The following DEAF1 variants were observed in gnomAD, a reference collection of about 807,000 sequenced individuals.
DEAF1 encodes the protein DEAF1 transcription factor.
Under a neutral mutation model 58.9 loss-of-function variants are expected in DEAF1, and 53 were observed. That is an observed-to-expected ratio of 0.90 (90% CI 0.72 to 1.13). The LOEUF (loss-of-function observed/expected upper bound fraction) is 1.13. Ranked by LOEUF, DEAF1 falls within the 50% of genes most tolerant of loss-of-function variation. The pLI, the probability that DEAF1 is intolerant of heterozygous loss-of-function variation, is 0.00. For missense variants in DEAF1, 685 were observed against 791.4 expected (o/e 0.87, Z 1.61); for synonymous variants, 385 against 340.4 (o/e 1.13, Z -1.44).
chr11:678,425 T>C, intron 9 of DEAF1: 1 of 416,356 alleles, frequency 2.4e-6, no homozygotes. Flanking sequence ...AACTTCAGGC[T>C]TCACAGGCCA....
intron 10 of DEAF1, among the ~76,000 whole-genome samples, chr11:666,884 A>G (rs941376701): frequency 6.6e-6 from 1 of 151,208 alleles, no homozygotes; most frequent in African/African-American, 2.4e-5. Context: ...AAAAAAAAAA[A>G]AAAAAAAAAA....
intron 11 of DEAF1, among the ~76,000 whole-genome samples, chr11:645,144 C>CA (rs1484639339): frequency 8.4e-6 from 1 of 118,924 alleles, no homozygotes; most frequent in Non-Finnish European, 1.6e-5. Context: ...GCCCGGGTGA[C>CA]AGAACAACTC....
chr11:670,642 G>C (rs1161557485), intron 10 of DEAF1, among the ~76,000 whole-genome samples: 1 of 149,506 alleles, frequency 6.7e-6, no homozygotes, highest in African/African-American at 2.5e-5. Flanking sequence ...TTGAACCTGG[G>C]AGATGGAGGC....
At position 679,712 on chromosome 11, in the gene DEAF1, C is replaced by T; in HGVS notation, c.1102G>A (p.Gly368Ser). The T allele has an allele frequency of 6.2e-7, 1 of 1,613,264 alleles. No homozygotes were observed. The highest frequency in any genetic ancestry group is 8.5e-7 in the Non-Finnish European group (1 of 1,180,048). The change falls in exon 8 of 12, where the codon GGC becomes AGC. Residue 368 changes from glycine to serine, a missense_variant. Around this residue, in one of 3 missense-constraint regions of DEAF1, gnomAD observed 343 missense variants for 379.8 expected, o/e 0.90. Transcript: ENST00000382409. ...CCTGTGGCCCCTGCGAAGACGTCGC[C>T]CTGGGCCGGACTCTCTGATATGACA... Reference protein sequence around the residue: ...TAVISESPAQGDVFAGATVQE... With the variant: ...TAVISESPAQSDVFAGATVQE...
chr11:671,509 A>G (rs7112056), intron 10 of DEAF1, among the ~76,000 whole-genome samples: 2,205 of 152,054 alleles, frequency 0.015, 55 homozygotes, highest in African/African-American at 0.049. Context: ...AGTGTGATCC[A>G]CTGTGCCCAG....
At chr11:695,824 T>C, upstream of DEAF1, 1 of 1,227,414 alleles carries the variant, frequency 8.1e-7, no homozygotes, top group South Asian at 4.0e-5. Context: ...GCGGGGCGGG[T>C]AAGATGGCGG....
At chr11:685,902 T>C (rs949570054) in intron 5 of DEAF1, among the ~76,000 whole-genome samples, 1 of 151,708 alleles carries the variant, frequency 6.6e-6, no homozygotes, top group Non-Finnish European at 1.5e-5. Flanking sequence ...CCCAGCACTT[T>C]GAGAGGCGAG....
At chr11:650,609 T>C (rs952666763) in intron 11 of DEAF1, among the ~76,000 whole-genome samples, 8 of 151,926 alleles carry the variant, frequency 5.3e-5, no homozygotes, top group African/African-American at 1.9e-4. Context: ...CCTCCCAAAG[T>C]GTTGGGATGA....
chr11:687,409 C>T (rs554196494), intron 4 of DEAF1, among the ~76,000 whole-genome samples: 4 of 152,372 alleles, frequency 2.6e-5, no homozygotes, highest in South Asian at 2.1e-4. Flanking sequence ...GGTTCCTGGG[C>T]GCAGCCCTGT....
At chr11:648,568 G>C (rs1321584942) in intron 11 of DEAF1, among the ~76,000 whole-genome samples, 1 of 152,102 alleles carries the variant, frequency 6.6e-6, no homozygotes, top group Non-Finnish European at 1.5e-5. Flanking sequence ...GGTCCGGCTG[G>C]AAGGCAGCTT....
chr11:670,927 TAA>T (rs1859792746), intron 10 of DEAF1, among the ~76,000 whole-genome samples: 1 of 118,270 alleles, frequency 8.5e-6, no homozygotes, highest in African/African-American at 3.5e-5. Flanking sequence ...CACACCTGGC[TAA>T]TGTTTTTTTT....
Position 694,851 on chromosome 11 carries a change from A to T in DEAF1, c.197T>A (p.Val66Glu). 1 of 1,490,180 alleles carries T rather than the reference A, an allele frequency of 6.7e-7. No individual in the cohort carries two copies. The allele number at this position is 1,490,180 out of a possible 1,614,324, so 92.3% of individuals were successfully genotyped here. The part of the protein sequence containing the change: ...AERETPRVTA[V>E]AVMAAEPGHM... ...CCCGGGCTCCGCCGCCATCACCGCC[A>T]CTGCCGTGACCCGCGGCGTCTCCCG... The change falls in exon 1 of 12, where the codon GTG becomes GAG. Residue 66 changes from valine (V) to glutamate (E), a missense_variant. Val to Glu is a moderately radical substitution (Grantham distance 121). Transcript: ENST00000382409.
chr11:652,827 A>G (rs973198111), intron 11 of DEAF1, among the ~76,000 whole-genome samples: 33 of 151,686 alleles, frequency 2.2e-4, no homozygotes, highest in African/African-American at 7.0e-4. Flanking sequence ...TCACACCTCT[A>G]AATCCCAGCA....
Position 694,833 on chromosome 11 carries a change from TCCG to T in DEAF1, c.212_214del (p.Ala71del), listed in dbSNP as rs759434329. 3 of 1,463,358 alleles carry T rather than the reference TCCG, an allele frequency of 2.1e-6. No homozygotes were observed. The Admixed American group carries it at 6.7e-5, about 33-fold the overall frequency. 90.6% of individuals were successfully genotyped at this position (1,463,358 alleles called of 1,614,324 possible). On this transcript the variant is annotated inframe_deletion, in exon 1 of 12. Coordinates refer to ENST00000382409, the MANE Select transcript of DEAF1 (RefSeq NM_021008.4). ...GGCGCCCATGTCCATGTGCCCGGGC[TCCG>T]CCGCCATCACCGCCACTGCCGTGAC...
Position 644,734 on chromosome 11 carries a change from G to A in DEAF1, c.1594-80C>T. 3 of 1,143,216 alleles carry A rather than the reference G, an allele frequency of 2.6e-6. No homozygotes were observed. The highest frequency in any genetic ancestry group is 5.1e-5 in the East Asian group (2 of 39,426). The allele number at this position is 1,143,216 out of a possible 1,614,324, so 70.8% of individuals were successfully genotyped here. A position where few individuals can be genotyped will look rare whatever the true frequency, so the allele number is the denominator to read the frequency against. On this transcript the variant is annotated intron_variant, in intron 11 of 11. Coordinates refer to ENST00000382409, the MANE Select transcript of DEAF1 (RefSeq NM_021008.4). This position sits in a 1 kb window ranked among gnomAD's most constrained non-coding sequence, Gnocchi z 4.3. ...GGCAGGGTCCCCAAGGCAGACCCCAGAGGGTGCAGCCCTCTGTAACCTCAC... is the reference window on the plus strand; with the variant it reads ...GGCAGGGTCCCCAAGGCAGACCCCAAAGGGTGCAGCCCTCTGTAACCTCAC...
intron 11 of DEAF1, among the ~76,000 whole-genome samples, chr11:649,502 T>G (rs1454128747): frequency 6.6e-6 from 1 of 150,648 alleles, no homozygotes; most frequent in African/African-American, 2.4e-5. Context: ...GGCGGATCAC[T>G]TGAGGTCAGG....
chr11:699,750 TC>T (rs1223025061), upstream of DEAF1: 2 of 180,024 alleles, frequency 1.1e-5, no homozygotes, highest in African/African-American at 4.8e-5. Flanking sequence ...AGACTCTATC[TC>T]AAAAAAAAAA....
intron 10 of DEAF1, among the ~76,000 whole-genome samples, chr11:671,851 A>C (rs1423022590): frequency 5.4e-4 from 9 of 16,520 alleles, no homozygotes; most frequent in African/African-American, 2.1e-3. Context: ...AAAAAAAAAG[A>C]AACACAAAAA....
intron 10 of DEAF1, among the ~76,000 whole-genome samples, chr11:657,148 A>G (rs1490221959): frequency 6.6e-6 from 1 of 152,000 alleles, no homozygotes; most frequent in Non-Finnish European, 1.5e-5. Flanking sequence ...CTCACTCTCT[A>G]AGACTTCCCA....
Sources: gnomAD v4.1 joint callset for allele counts (sites outside exome capture counted in the v4.1 genomes callset) on GRCh38, gnomAD v4.1.1 for gene constraint, gnomAD v4.1.1 regional missense constraint, Gnocchi (gnomAD v3.1) non-coding constraint, MANE v1.5 for transcripts, NCBI Gene and HGNC (gene_info 2026-07-23, HGNC 2026-07-21) for gene names.